The following TTL variants were observed in gnomAD, a reference collection of about 807,000 sequenced individuals.
TTL encodes tubulin--tyrosine ligase.
A neutral mutation model predicts 41.1 loss-of-function variants in TTL; 10 were observed. The ratio of observed to expected loss-of-function variants is 0.24; its 90% CI spans 0.15 to 0.41. The LOEUF (loss-of-function observed/expected upper bound fraction) is 0.41. Ranked by LOEUF, TTL falls within the 10% of genes least tolerant of loss-of-function variation. The probability of loss-of-function intolerance (pLI) is 1.00; values close to 1 mark genes in which losing one functional copy is unlikely to be tolerated. For missense variants in TTL, 367 were observed against 460.4 expected (o/e 0.80, Z 1.86); for synonymous variants, 175 against 175.5 (o/e 1.00, Z 0.02).
At chr2:112,526,649 T>G (rs1682380812) in intron 6 of TTL, among the ~76,000 whole-genome samples, 1 of 152,244 alleles carries the variant, frequency 6.6e-6, no homozygotes, top group African/African-American at 2.4e-5. Flanking sequence ...TTTATCATTT[T>G]TTATTGCGTC....
In TTL at chr2:112,528,731, G is replaced by A; in HGVS notation, c.1070G>A (p.Ser357Asn). 6.2e-7 allele frequency: 1 copy of A among 1,614,146 alleles called. No individual in the cohort carries two copies. Among genetic ancestry groups the A allele is most frequent in the Non-Finnish European group, 8.5e-7 (1 of 1,180,028 alleles). Reference protein sequence around the residue: ...CQGIVDIAISSVFPPPDVEQP... With the variant: ...CQGIVDIAISNVFPPPDVEQP... ...GGCATCGTGGACATAGCCATTTCCA[G>A]TGTCTTCCCACCCCCAGATGTGGAG... Residue 357 changes from serine to asparagine, a missense_variant, in exon 7 of 7, where the codon AGT (serine) becomes AAT (asparagine). Coordinates refer to ENST00000233336, the MANE Select transcript of TTL (RefSeq NM_153712.5).
chr2:112,493,593 A>G (rs959480949), intron 2 of TTL, among the ~76,000 whole-genome samples: 1 of 152,216 alleles, frequency 6.6e-6, no homozygotes, highest in Non-Finnish European at 1.5e-5. Context: ...AGCAGGAGGT[A>G]TATTTCACTA....
At position 112,537,113 on chromosome 2, in the gene TTL, C is replaced by G. The variant is rs1422340617; in HGVS notation, c.*8318C>G. 6.5e-6 allele frequency: 1 copy of G among 152,756 alleles called. No individual in the cohort carries two copies. Among genetic ancestry groups the G allele is most frequent in the Non-Finnish European group, 1.5e-5 (1 of 68,450 alleles). The allele number at this position is 152,756 out of a possible 1,614,324, so 9.5% of individuals were successfully genotyped here. ...TGTTTGTTTGTTTGGTGGAGTCTCT[C>G]TCTGTCACCCAGGCTGGAGTGCAGT... On this transcript the variant is annotated 3_prime_UTR_variant, in exon 7 of 7. Transcript: ENST00000233336.
chr2:112,490,004 C>T (rs1681336358), intron 2 of TTL, among the ~76,000 whole-genome samples: 1 of 152,170 alleles, frequency 6.6e-6, no homozygotes, highest in Non-Finnish European at 1.5e-5. Context: ...TGAATACTGG[C>T]AGAGAACACA....
At chr2:112,499,994 T>TA in intron 3 of TTL, among the ~76,000 whole-genome samples, 2 of 152,288 alleles carry the variant, frequency 1.3e-5, no homozygotes, top group East Asian at 3.9e-4. Flanking sequence ...GTCCATCAAT[T>TA]GATGACTAAA....
chr2:112,511,284 C>T (rs1479288070), intron 5 of TTL, among the ~76,000 whole-genome samples: 2 of 151,892 alleles, frequency 1.3e-5, no homozygotes, highest in East Asian at 1.9e-4. Context: ...GCTGGGATTA[C>T]AGACATGAGC....
At chr2:112,495,014 T>C (rs1281562592) in intron 3 of TTL, among the ~76,000 whole-genome samples, 1 of 152,232 alleles carries the variant, frequency 6.6e-6, no homozygotes, top group East Asian at 1.9e-4. Flanking sequence ...GCAATTAGAA[T>C]GAACTCCGGA....
intron 5 of TTL, among the ~76,000 whole-genome samples, chr2:112,519,767 T>C (rs1265053342): frequency 2.0e-5 from 3 of 151,704 alleles, no homozygotes; most frequent in Non-Finnish European, 4.4e-5. Context: ...AGAACACGAG[T>C]GGTTGCAGTT....
chr2:112,520,519 T>C, intron 6 of TTL, 94 bp downstream of exon 6: 4 of 1,508,658 alleles, frequency 2.7e-6, no homozygotes, highest in Non-Finnish European at 3.6e-6. Flanking sequence ...TTGACTGCTG[T>C]GAGGGAGGAT....
intron 2 of TTL, among the ~76,000 whole-genome samples, chr2:112,486,545 T>A (rs6708059): frequency 6.6e-6 from 1 of 152,110 alleles, no homozygotes; most frequent in Non-Finnish European, 1.5e-5. Context: ...CTGTAAGGGG[T>A]CCCTCAGAAA....
intron 6 of TTL, among the ~76,000 whole-genome samples, chr2:112,525,124 G>A (rs1682338444): frequency 6.6e-6 from 1 of 152,064 alleles, no homozygotes; most frequent in East Asian, 1.9e-4. Flanking sequence ...TATTTCTGAG[G>A]GCTCTGTTCT....
chr2:112,509,262 CTTT>C (rs1305521398), intron 5 of TTL, among the ~76,000 whole-genome samples: 1 of 147,358 alleles, frequency 6.8e-6, no homozygotes, highest in East Asian at 2.1e-4. Context: ...TTACTGCTGT[CTTT>C]TTGTTTGTCT....
chr2:112,528,647 C>A, intron 6 of TTL, 34 bp from the exon 7 acceptor site: 1 of 1,548,762 alleles, frequency 6.5e-7, no homozygotes, highest in Admixed American at 1.7e-5. Flanking sequence ...CTTTGATGAA[C>A]ATCCTCAATG....
chr2:112,492,864 C>A (rs571097534), intron 2 of TTL, among the ~76,000 whole-genome samples: 1 of 151,946 alleles, frequency 6.6e-6, no homozygotes, highest in Non-Finnish European at 1.5e-5. Context: ...GCACTCCAGC[C>A]TGGGAGACAG....
chr2:112,524,916 G>A (rs1255162872), intron 6 of TTL, among the ~76,000 whole-genome samples: 2 of 152,080 alleles, frequency 1.3e-5, no homozygotes, highest in Non-Finnish European at 2.9e-5. Flanking sequence ...GGGTTTTTAT[G>A]GTTTTACATC....
chr2:112,535,677 T>C lies in TTL; in HGVS notation c.*6882T>C, dbSNP rs1472288692. On this transcript the variant is annotated 3_prime_UTR_variant, in exon 7 of 7. Transcript: ENST00000233336. ...GTAAAATGGTAGATAAATCCTGCCT[T>C]ATCAGTAATTTCATTAAATGCAAAT... The C allele has an allele frequency of 3.9e-5, 6 of 152,194 alleles. No homozygotes were observed. Among genetic ancestry groups the C allele is most frequent in the Non-Finnish European group, 7.3e-5 (5 of 68,038 alleles). The allele number at this position is 152,194 out of a possible 1,614,324, so 9.4% of individuals were successfully genotyped here. A position where few individuals can be genotyped will look rare whatever the true frequency, so the allele number is the denominator to read the frequency against.
rs1222407802 is a variant in TTL at position 112,529,225 on chromosome 2, A to C, written c.*430A>C. The C allele has an allele frequency of 3.5e-6, 1 of 283,458 alleles. No individual in the cohort carries two copies. Among genetic ancestry groups the C allele is most frequent in the Non-Finnish European group, 6.7e-6 (1 of 148,306 alleles). 17.6% of individuals were successfully genotyped at this position (283,458 alleles called of 1,614,324 possible). On this transcript the variant is annotated 3_prime_UTR_variant, in exon 7 of 7. Coordinates refer to ENST00000233336, the MANE Select transcript of TTL (RefSeq NM_153712.5). ...GAGGTTGCCTGTGTGTTCCCCACCCATCCCTTCGGTAACACTCTGCCACAC... is the reference window on the plus strand; with the variant it reads ...GAGGTTGCCTGTGTGTTCCCCACCCCTCCCTTCGGTAACACTCTGCCACAC...
In TTL at chr2:112,482,573, C is replaced by T. The variant is rs577010389; in HGVS notation, c.157+72C>T. ...CGCGCCTCCCGCGGCCCGTTAGAAC[C>T]GGCGCTTTTGTTTTTAAAGGTCATA... On this transcript the variant is annotated intron_variant, in intron 1 of 6. Coordinates refer to ENST00000233336, the MANE Select transcript of TTL (RefSeq NM_153712.5). The surrounding 1 kb of genome is among the most constrained non-coding windows in gnomAD (Gnocchi z 5.3). 2 of 1,465,794 alleles carry T rather than the reference C, an allele frequency of 1.4e-6. No homozygotes were observed. The highest frequency in any genetic ancestry group is 9.1e-7 in the Non-Finnish European group (1 of 1,101,312). 90.8% of individuals were successfully genotyped at this position (1,465,794 alleles called of 1,614,324 possible).
rs1465847909 is a variant in TTL at position 112,529,142 on chromosome 2, C to A, written c.*347C>A. The A allele has an allele frequency of 2.5e-6, 1 of 392,900 alleles. No homozygotes were observed. Among genetic ancestry groups the A allele is most frequent in the African/African-American group, 2.0e-5 (1 of 50,516 alleles). The allele number at this position is 392,900 out of a possible 1,614,324, so 24.3% of individuals were successfully genotyped here. On this transcript the variant is annotated 3_prime_UTR_variant, in exon 7 of 7. Coordinates refer to ENST00000233336, the MANE Select transcript of TTL (RefSeq NM_153712.5). ...CCACTGCAGCCCTAGTGCCTTAGCT[C>A]CATGCCCGGCTGCAGCCCCACTGCT...
Sources: allele counts gnomAD v4.1 joint callset (sites outside exome capture counted in the v4.1 genomes callset), GRCh38; gene constraint gnomAD v4.1.1; non-coding constraint Gnocchi (gnomAD v3.1); transcripts MANE v1.5; gene names NCBI Gene and HGNC (gene_info 2026-07-23, HGNC 2026-07-21).